Variants in IL16 observed in about 807,000 individuals in gnomAD.
IL16 encodes the protein interleukin 16.
In IL16, 67 loss-of-function variants were observed where a neutral mutation model predicts 110.1. That is an observed-to-expected ratio of 0.61 (90% confidence interval 0.50 to 0.75). The LOEUF is 0.75. IL16 is among the 30% of genes least tolerant of loss of function. The probability of loss-of-function intolerance (pLI) is 0.00; values close to 1 mark genes in which losing one functional copy is unlikely to be tolerated. For missense variants in IL16, 1,545 were observed against 1,655.0 expected, an observed-to-expected ratio of 0.93 and a Z score of 1.15; for synonymous variants, 689 against 662.9, an observed-to-expected ratio of 1.04 and a Z score of -0.61.
chr15:81,184,362 T>TG (rs1460159083), intron 1 of IL16, among the ~76,000 whole-genome samples: 1 of 152,122 alleles, frequency 6.6e-6, no homozygotes, highest in Non-Finnish European at 1.5e-5. Flanking sequence ...AACACCAGCG[T>TG]GGGGTGAGGG....
chr15:81,220,439 G>C (rs1455722178), intron 1 of IL16, among the ~76,000 whole-genome samples: 1 of 152,160 alleles, frequency 6.6e-6, no homozygotes, highest in African/African-American at 2.4e-5. Context: ...ACAGGCTTGA[G>C]CCACTGTACC....
intron 3 of IL16, among the ~76,000 whole-genome samples, chr15:81,264,504 C>T (rs749684939): frequency 2.0e-5 from 3 of 152,202 alleles, no homozygotes; most frequent in Non-Finnish European, 4.4e-5. Flanking sequence ...CTTTCCCATC[C>T]TGAAAATAAA....
intron 3 of IL16, among the ~76,000 whole-genome samples, chr15:81,260,534 T>C (rs1384813340): frequency 1.3e-5 from 2 of 152,222 alleles, no homozygotes; most frequent in East Asian, 3.8e-4. Flanking sequence ...TAGATATTTA[T>C]AAAATCTACT....
chr15:81,210,028 G>A (rs1364619562), intron 1 of IL16, among the ~76,000 whole-genome samples: 1 of 152,140 alleles, frequency 6.6e-6, no homozygotes, highest in Non-Finnish European at 1.5e-5. Context: ...AATCCATTTT[G>A]AGTTGGTTTT....
intron 2 of IL16, among the ~76,000 whole-genome samples, chr15:81,241,823 A>G (rs895167329): frequency 2.0e-5 from 3 of 151,988 alleles, no homozygotes; most frequent in Non-Finnish European, 2.9e-5. Context: ...ACCTTTATAT[A>G]GCCACAGTCA....
intron 1 of IL16, among the ~76,000 whole-genome samples, chr15:81,216,145 C>A (rs1434087978): frequency 1.3e-5 from 2 of 152,210 alleles, no homozygotes; most frequent in Non-Finnish European, 2.9e-5. Flanking sequence ...ATAGAGAGTC[C>A]TGGGGGATGA....
At chr15:81,256,414 A>C (rs929419398) in intron 2 of IL16, among the ~76,000 whole-genome samples, 4 of 150,662 alleles carry the variant, frequency 2.7e-5, no homozygotes, top group African/African-American at 9.9e-5. Context: ...GTTCACTGCA[A>C]CCTCTGCCTC....
At chr15:81,280,930 A>G (rs1433753478) in intron 8 of IL16, among the ~76,000 whole-genome samples, 2 of 152,222 alleles carry the variant, frequency 1.3e-5, no homozygotes, top group Non-Finnish European at 2.9e-5. Flanking sequence ...GATCACTGGC[A>G]TCAGAAACAC....
chr15:81,260,872 AT>A, intron 3 of IL16, among the ~76,000 whole-genome samples: 1 of 149,848 alleles, frequency 6.7e-6, no homozygotes. Flanking sequence ...TTTATCATCA[AT>A]TTTTACTTAT....
At chr15:81,225,035 C>T (rs1190665511) in intron 1 of IL16, among the ~76,000 whole-genome samples, 1 of 152,184 alleles carries the variant, frequency 6.6e-6, no homozygotes, top group Non-Finnish European at 1.5e-5. Context: ...CCCCTCTCTG[C>T]ACCTCAGTTC....
At chr15:81,212,079 A>C (rs1243433426) in intron 1 of IL16, among the ~76,000 whole-genome samples, 3 of 151,344 alleles carry the variant, frequency 2.0e-5, no homozygotes, top group Non-Finnish European at 4.4e-5. Flanking sequence ...GATTGATACC[A>C]GTTCTTTGTA....
At chr15:81,277,500 A>G (rs1055585939) in intron 6 of IL16, among the ~76,000 whole-genome samples, 2 of 151,372 alleles carry the variant, frequency 1.3e-5, no homozygotes, top group Middle Eastern at 3.4e-3. Context: ...GCTGGAGTGC[A>G]GTGGTTCAAT....
chr15:81,197,195 G>A (rs901688116), intron 1 of IL16, 43 bp downstream of exon 1: 82 of 1,243,286 alleles, frequency 6.6e-5, no homozygotes, highest in Middle Eastern at 4.4e-4. Flanking sequence ...CCAGGTGGCC[G>A]TTACCGGAGG....
intron 7 of IL16, 116 bp from the exon 8 acceptor site, chr15:81,279,442 C>A: frequency 1.5e-6 from 1 of 661,500 alleles, no homozygotes; most frequent in Non-Finnish European, 2.6e-6. Flanking sequence ...TGAATATATG[C>A]GCACATTTAT....
At position 81,278,984 on chromosome 15, in the gene IL16, G is replaced by T. The variant is rs1195102614; in HGVS notation, c.864+94G>T. On this transcript the variant is annotated intron_variant, in intron 7 of 18. Coordinates refer to ENST00000683961, the MANE Select transcript of IL16 (RefSeq NM_172217.5). Reference sequence around the variant, plus strand: ...TCCAAACCTACAAATTCAAACTGTGGAACCCTTCACATGAGGCACCTCACT... The same window carrying T: ...TCCAAACCTACAAATTCAAACTGTGTAACCCTTCACATGAGGCACCTCACT... The T allele has an allele frequency of 4.6e-6, 4 of 863,280 alleles. No individual in the cohort carries two copies. In the East Asian group the frequency reaches 7.3e-5, roughly 16 times the overall value. 53.5% of individuals were successfully genotyped at this position (863,280 alleles called of 1,614,324 possible).
chr15:81,293,149 C>T (rs1899821591), intron 12 of IL16, 112 bp downstream of exon 12: 1 of 1,168,858 alleles, frequency 8.6e-7, no homozygotes, highest in Non-Finnish European at 1.2e-6. Flanking sequence ...TTCTCCTGCT[C>T]CACCAGAGAG....
At chr15:81,306,638 G>A in intron 18 of IL16, 93 bp downstream of exon 18, 1 of 1,477,832 alleles carries the variant, frequency 6.8e-7, no homozygotes, top group Non-Finnish European at 9.4e-7. Context: ...GGGCTATGTT[G>A]TTTCCCACAA....
intron 3 of IL16, among the ~76,000 whole-genome samples, chr15:81,261,432 G>A (rs916155553): frequency 6.6e-6 from 1 of 152,174 alleles, no homozygotes; most frequent in Non-Finnish European, 1.5e-5. Context: ...ATCAATGGAG[G>A]ACTGGCAGGG....
chr15:81,185,771 C>A (rs984226635), intron 1 of IL16, among the ~76,000 whole-genome samples: 4 of 152,058 alleles, frequency 2.6e-5, no homozygotes, highest in African/African-American at 9.7e-5. Context: ...GGCAGATCAG[C>A]GTGGGGCTTC....
Sources: allele counts gnomAD v4.1 joint callset (sites outside exome capture counted in the v4.1 genomes callset), GRCh38; gene constraint gnomAD v4.1.1; transcripts MANE v1.5; gene names NCBI Gene and HGNC (gene_info 2026-07-23, HGNC 2026-07-21).